The following DGKB variants were observed in gnomAD, a reference collection of about 807,000 sequenced individuals.
DGKB encodes the protein 90 kDa diacylglycerol kinase.
A neutral mutation model predicts 114.3 loss-of-function variants in DGKB; 67 were observed. The ratio of observed to expected loss-of-function variants is 0.59; its 90% CI spans 0.48 to 0.72. DGKB has a LOEUF of 0.72. Ranked by LOEUF, DGKB falls within the 30% of genes least tolerant of loss-of-function variation. The pLI is 0.00. For synonymous variants in DGKB, 398 were observed against 323.1 expected (o/e 1.23, Z -2.49); for missense variants, 907 against 975.2 (o/e 0.93, Z 0.93).
chr7:14,188,965 A>C (rs1783896843), intron 23 of DGKB, among the ~76,000 whole-genome samples: 2 of 152,184 alleles, frequency 1.3e-5, no homozygotes, highest in Admixed American at 1.3e-4. Flanking sequence ...AGAAGAAATA[A>C]AAATTTTTGC....
intron 2 of DGKB, among the ~76,000 whole-genome samples, chr7:14,765,769 A>G (rs1483123273): frequency 6.6e-6 from 1 of 152,006 alleles, no homozygotes; most frequent in Non-Finnish European, 1.5e-5. Context: ...CATCTATACT[A>G]TAACTAAAAA....
chr7:14,231,122 TC>T (rs1289964523), intron 23 of DGKB, among the ~76,000 whole-genome samples: 31 of 126,154 alleles, frequency 2.5e-4, no homozygotes, highest in Admixed American at 4.1e-4. Context: ...TTTCTTTCTT[TC>T]TTTCTTTCTT....
rs1247078755 is a variant in DGKB at position 14,556,790 on chromosome 7, AT to A, written c.1770+17421del. On this transcript the variant is annotated intron_variant, in intron 20 of 25. Coordinates refer to ENST00000402815, the MANE Select transcript of DGKB (RefSeq NM_001350709.2). ...GCATTTATATTCACATGTAAATTTT[AT>A]TTTGGAAGCTATGGTTATGAGGTAT... Among the ~76,000 whole-genome samples, 10 of 152,208 alleles carry A rather than the reference AT, an allele frequency of 6.6e-5. No homozygotes were observed. In the South Asian group the frequency reaches 2.1e-3, roughly 32 times the overall value.
intron 20 of DGKB, among the ~76,000 whole-genome samples, chr7:14,528,494 T>G (rs1312900899): frequency 1.3e-5 from 2 of 152,112 alleles, no homozygotes; most frequent in Non-Finnish European, 1.5e-5. Flanking sequence ...AACTGTGGGC[T>G]TATAAGATAT....
At chr7:14,934,786 A>G (rs867237128) in intron 1 of DGKB, among the ~76,000 whole-genome samples, 1 of 152,218 alleles carries the variant, frequency 6.6e-6, no homozygotes, top group Non-Finnish European at 1.5e-5. Context: ...GTCTATTTCA[A>G]TCAATCCCCT....
chr7:14,660,170 T>G (rs1816735953), intron 13 of DGKB, among the ~76,000 whole-genome samples: 2 of 152,044 alleles, frequency 1.3e-5, no homozygotes, highest in South Asian at 4.1e-4. Context: ...TCAATGTTCC[T>G]CAAGGATATT....
At chr7:14,178,183 A>AT (rs565680764) in intron 23 of DGKB, 32 bp from the exon 24 acceptor site, 10 of 1,611,002 alleles carry the variant, frequency 6.2e-6, no homozygotes, top group South Asian at 5.5e-5. Flanking sequence ...TTAAGTTGCA[A>AT]TGTGTATACA....
upstream of DGKB, among the ~76,000 whole-genome samples, chr7:14,906,556 C>T (rs1157710218): frequency 2.5e-4 from 38 of 149,060 alleles, 1 homozygote; most frequent in Admixed American, 2.4e-3. Flanking sequence ...CGGGTTCTAG[C>T]GATTCTCCTG....
At chr7:14,531,070 A>G (rs987605908) in intron 20 of DGKB, among the ~76,000 whole-genome samples, 2 of 151,574 alleles carry the variant, frequency 1.3e-5, no homozygotes, top group Non-Finnish European at 3.0e-5. Flanking sequence ...AAATACACAT[A>G]AAGTGCAGCT....
At chr7:14,155,497 G>A (rs532465635) in intron 25 of DGKB, among the ~76,000 whole-genome samples, 260 of 152,178 alleles carry the variant, frequency 1.7e-3, no homozygotes, top group African/African-American at 5.8e-3. Context: ...AATTAAAACT[G>A]AGTTTTAGTT....
chr7:14,732,810 C>T (rs2128392462), intron 5 of DGKB, among the ~76,000 whole-genome samples: 1 of 152,060 alleles, frequency 6.6e-6, no homozygotes, highest in Admixed American at 6.5e-5. Flanking sequence ...AATCTGGCAT[C>T]TTCTATTCAG....
At position 14,697,642 on chromosome 7, in the gene DGKB, G is replaced by C. The variant is rs564374987; in HGVS notation, c.591+453C>G. On this transcript the variant is annotated intron_variant, in intron 8 of 25. Coordinates refer to ENST00000402815, the MANE Select transcript of DGKB (RefSeq NM_001350709.2). Reference sequence around the variant, plus strand: ...AAATGAAATGACAGGAATATATCAGGGTCCCAGACAAGAGAAAAAAAAAGA... The same window carrying C: ...AAATGAAATGACAGGAATATATCAGCGTCCCAGACAAGAGAAAAAAAAAGA... Among the ~76,000 whole-genome samples the C allele has an allele frequency of 6.8e-5, 10 of 147,818 alleles. No homozygotes were observed. In the South Asian group the frequency reaches 2.1e-3, roughly 31 times the overall value.
chr7:14,241,968 A>T (rs1167171607), intron 23 of DGKB, among the ~76,000 whole-genome samples: 1 of 151,286 alleles, frequency 6.6e-6, no homozygotes, highest in Non-Finnish European at 1.5e-5. Flanking sequence ...ACACACACAC[A>T]CACACACACA....
intron 20 of DGKB, among the ~76,000 whole-genome samples, chr7:14,490,272 T>G (rs536598331): frequency 6.6e-6 from 1 of 152,292 alleles, no homozygotes; most frequent in Non-Finnish European, 1.5e-5. Context: ...TCAAAAGGCT[T>G]TAGCTTATGA....
intron 20 of DGKB, among the ~76,000 whole-genome samples, chr7:14,558,938 G>A (rs1796257245): frequency 6.6e-6 from 1 of 152,140 alleles, no homozygotes; most frequent in South Asian, 2.1e-4. Flanking sequence ...AGCTGCCCCT[G>A]GTCTCCAGCA....
chr7:14,321,061 C>T lies in DGKB; in HGVS notation c.2122+17454G>A, dbSNP rs974430765. On this transcript the variant is annotated intron_variant, in intron 23 of 25. Coordinates refer to ENST00000402815, the MANE Select transcript of DGKB (RefSeq NM_001350709.2). The stretch of plus-strand genomic sequence containing the variant: ...ATCACAGCACTTTGGGAGGATGAGG[C>T]GGGCGGATGACTTGAGCCCAGGAGT... 1.8e-4 allele frequency among the ~76,000 whole-genome samples: 28 copies of T among 152,112 alleles called. No homozygotes were observed. In the East Asian group the frequency reaches 4.5e-3, roughly 24 times the overall value.
intron 2 of DGKB, among the ~76,000 whole-genome samples, chr7:14,798,659 CTAATCCCAG>C (rs1360660508): frequency 6.6e-6 from 1 of 152,144 alleles, no homozygotes; most frequent in Non-Finnish European, 1.5e-5. Context: ...TAAATTGACA[CTAATCCCAG>C]GACACCCAAA....
At chr7:14,640,045 T>C (rs1181746436) in intron 13 of DGKB, among the ~76,000 whole-genome samples, 6 of 152,128 alleles carry the variant, frequency 3.9e-5, no homozygotes, top group African/African-American at 1.4e-4. Context: ...ATACAGGAAA[T>C]AGAATTGCAC....
chr7:14,321,260 C>T (rs552263721), intron 23 of DGKB, among the ~76,000 whole-genome samples: 2 of 152,222 alleles, frequency 1.3e-5, no homozygotes, highest in Non-Finnish European at 2.9e-5. Context: ...CACTGCACTT[C>T]AGCCTGGGCA....
Sources: gnomAD v4.1 joint callset for allele counts (sites outside exome capture counted in the v4.1 genomes callset) on GRCh38, gnomAD v4.1.1 for gene constraint, MANE v1.5 for transcripts, NCBI Gene and HGNC (gene_info 2026-07-23, HGNC 2026-07-21) for gene names.